PRELID2: variants seen among roughly 807,000 people sequenced by gnomAD.
PRELID2 encodes PRELI domain containing 2.
A neutral mutation model predicts 28.4 loss-of-function variants in PRELID2; 25 were observed. That is an observed-to-expected ratio of 0.88 (90% CI 0.64 to 1.23). The LOEUF (loss-of-function observed/expected upper bound fraction) is 1.23, where lower values mean the gene tolerates loss of function less well. Ranked by LOEUF, PRELID2 falls within the 50% of genes most tolerant of loss-of-function variation. The pLI is 0.00. For missense variants in PRELID2, 201 were observed against 214.4 expected (o/e 0.94, Z 0.39); for synonymous variants, 76 against 71.6 (o/e 1.06, Z -0.31).
chr5:145,740,792 T>A (rs1372796214), intron 1 of PRELID2, among the ~76,000 whole-genome samples: 1 of 117,748 alleles, frequency 8.5e-6, no homozygotes, highest in Non-Finnish European at 1.6e-5. Flanking sequence ...TACATATCTT[T>A]ATACATATAT....
the PRELID2 span, among the ~76,000 whole-genome samples, chr5:145,446,681 C>G: frequency 0.66 from 99,696 of 151,970 alleles, 33,271 homozygotes; most frequent in Non-Finnish European, 0.69. Flanking sequence ...TTATCATCTT[C>G]ATGAGCCACA....
intron 1 of PRELID2, among the ~76,000 whole-genome samples, chr5:145,599,320 C>T (rs1753354694): frequency 6.6e-6 from 1 of 152,222 alleles, no homozygotes; most frequent in Non-Finnish European, 1.5e-5. Context: ...AGAATTCAAA[C>T]ATTTGGTTAA....
the PRELID2 span, among the ~76,000 whole-genome samples, chr5:145,432,827 T>TA: frequency 6.6e-6 from 1 of 152,178 alleles, no homozygotes; most frequent in African/African-American, 2.4e-5. Flanking sequence ...GTGCCCTATA[T>TA]AAATCTCTGA....
At chr5:145,806,265 T>C (rs539737612) in intron 4 of PRELID2, among the ~76,000 whole-genome samples, 1 of 152,316 alleles carries the variant, frequency 6.6e-6, no homozygotes, top group East Asian at 1.9e-4. Flanking sequence ...TACAAAAATA[T>C]TGTCTTTTAA....
At chr5:145,611,874 A>G (rs983472255) in intron 1 of PRELID2, among the ~76,000 whole-genome samples, 1 of 152,176 alleles carries the variant, frequency 6.6e-6, no homozygotes, top group African/African-American at 2.4e-5. Flanking sequence ...AATATAGTAG[A>G]TCTAGCTCTA....
intron 1 of PRELID2, among the ~76,000 whole-genome samples, chr5:145,740,135 T>A (rs1260309269): frequency 6.7e-6 from 1 of 149,488 alleles, no homozygotes; most frequent in Non-Finnish European, 1.5e-5. Context: ...GTAAAAAGAT[T>A]TAAGTATATA....
At chr5:145,658,774 C>T (rs1318931793) in intron 1 of PRELID2, among the ~76,000 whole-genome samples, 1 of 152,154 alleles carries the variant, frequency 6.6e-6, no homozygotes, top group Non-Finnish European at 1.5e-5. Context: ...TTATAAATTA[C>T]CCAGTCTCAG....
chr5:145,356,863 T>C, the PRELID2 span, among the ~76,000 whole-genome samples: 1 of 152,212 alleles, frequency 6.6e-6, no homozygotes, highest in Non-Finnish European at 1.5e-5. Flanking sequence ...TATGTTTTTG[T>C]GGTGGCTGGT....
the PRELID2 span, among the ~76,000 whole-genome samples, chr5:145,314,173 A>G: frequency 6.6e-6 from 1 of 152,242 alleles, no homozygotes; most frequent in African/African-American, 2.4e-5. Context: ...TTACTTAGCC[A>G]TGGGTATGGC....
chr5:145,292,734 GTCTC>G, the PRELID2 span, among the ~76,000 whole-genome samples: 1 of 152,096 alleles, frequency 6.6e-6, no homozygotes, highest in South Asian at 2.1e-4. Flanking sequence ...AAAAGACAGG[GTCTC>G]TCTCTATCAT....
At chr5:145,822,306 G>C (rs1396306215) in intron 2 of PRELID2, among the ~76,000 whole-genome samples, 1 of 152,206 alleles carries the variant, frequency 6.6e-6, no homozygotes, top group African/African-American at 2.4e-5. Flanking sequence ...CTATGCTCTA[G>C]ACCAGGAATC....
the PRELID2 span, among the ~76,000 whole-genome samples, chr5:145,394,739 C>A: frequency 2.0e-5 from 3 of 152,042 alleles, no homozygotes; most frequent in Admixed American, 6.6e-5. Context: ...AGATTATTTC[C>A]ATTTTATGGA....
rs887282024 is a variant in PRELID2 at position 145,834,919 on chromosome 5, C to G, written c.75+258G>C. On this transcript the variant is annotated intron_variant, in intron 1 of 6. Coordinates refer to ENST00000683046, the MANE Select transcript of PRELID2 (RefSeq NM_205846.3). ...TCCACGGAGCTCACGAGCTGGGATT[C>G]CCGGAGGCTCTTCCTAAAAGGAAAG... 41 of 406,674 alleles carry G rather than the reference C, an allele frequency of 1.0e-4. 1 individual carries two copies. Among genetic ancestry groups the G allele is most frequent in the Admixed American group, 8.1e-4 (20 of 24,582 alleles). The allele number at this position is 406,674 out of a possible 1,614,324, so 25.2% of individuals were successfully genotyped here. A position where few individuals can be genotyped will look rare whatever the true frequency, so the allele number is the denominator to read the frequency against.
At chr5:145,734,204 C>T (rs185343341) in intron 1 of PRELID2, among the ~76,000 whole-genome samples, 39 of 152,270 alleles carry the variant, frequency 2.6e-4, no homozygotes, top group African/African-American at 9.4e-4. Context: ...CAGCCTTGAA[C>T]TCCTAGGCTG....
At chr5:145,244,671 T>A in the PRELID2 span, among the ~76,000 whole-genome samples, 27 of 152,236 alleles carry the variant, frequency 1.8e-4, no homozygotes, top group Non-Finnish European at 3.5e-4. Flanking sequence ...AATTTCTTCA[T>A]AGCAGGGAAG....
intron 5 of PRELID2, among the ~76,000 whole-genome samples, chr5:145,787,462 G>A (rs1186383807): frequency 1.3e-5 from 2 of 152,162 alleles, no homozygotes; most frequent in South Asian, 2.1e-4. Context: ...ATTTGGAGGA[G>A]TAGAGACAAA....
At chr5:145,403,174 G>A in the PRELID2 span, among the ~76,000 whole-genome samples, 1 of 152,148 alleles carries the variant, frequency 6.6e-6, no homozygotes, top group Non-Finnish European at 1.5e-5. Flanking sequence ...ACTCTTCTAA[G>A]GTGGATCCAG....
At chr5:145,447,606 T>A in the PRELID2 span, among the ~76,000 whole-genome samples, 1 of 124,500 alleles carries the variant, frequency 8.0e-6, no homozygotes, top group Non-Finnish European at 1.7e-5. Flanking sequence ...TATCTCCCGA[T>A]GCTATCCCTC....
intron 1 of PRELID2, among the ~76,000 whole-genome samples, chr5:145,634,127 T>C (rs1753969732): frequency 6.6e-6 from 1 of 152,228 alleles, no homozygotes; most frequent in African/African-American, 2.4e-5. Context: ...GTGGTACATT[T>C]TGTGGCAATG....
Sources: gnomAD v4.1 joint callset for allele counts (sites outside exome capture counted in the v4.1 genomes callset) on GRCh38, gnomAD v4.1.1 for gene constraint, MANE v1.5 for transcripts, NCBI Gene and HGNC (gene_info 2026-07-23, HGNC 2026-07-21) for gene names.